Variants in PYY observed in about 807,000 individuals in gnomAD.
The protein encoded by PYY is peptide tyrosine tyrosine.
Under a neutral mutation model 10.3 loss-of-function variants are expected in PYY, and 12 were observed. That is an observed-to-expected ratio of 1.17 (90% CI 0.75 to 1.89). The LOEUF (loss-of-function observed/expected upper bound fraction) is 1.89. Ranked by LOEUF, PYY falls within the 40% of genes most tolerant of loss-of-function variation. The pLI is 0.00. For synonymous variants in PYY, 66 were observed against 62.0 expected (o/e 1.06, Z -0.30); for missense variants, 141 against 134.0 (o/e 1.05, Z -0.26).
At chr17:43,982,050 TA>T (rs2048887006) in intron 1 of PYY, among the ~76,000 whole-genome samples, 3 of 152,200 alleles carry the variant, frequency 2.0e-5, no homozygotes, top group Admixed American at 2.0e-4. Flanking sequence ...TGCATCCTCC[TA>T]GCAATTAGAT....
chr17:43,997,200 G>C (rs1019160286), intron 1 of PYY, among the ~76,000 whole-genome samples: 5 of 151,962 alleles, frequency 3.3e-5, no homozygotes, highest in African/African-American at 1.2e-4. Flanking sequence ...CACCACGCCT[G>C]GCTAACTTTT....
chr17:43,953,090 T>C lies in PYY; in HGVS notation c.269+19A>G. 2 of 1,613,136 alleles carry C rather than the reference T, an allele frequency of 1.2e-6. No individual in the cohort carries two copies. The highest frequency in any genetic ancestry group is 8.5e-7 in the Non-Finnish European group (1 of 1,179,532). On this transcript the variant is annotated intron_variant, in intron 3 of 3. Transcript: ENST00000692052. ...GCCGCGCTCTCGGATGCAGGATGTG[T>C]GGTAACGGGCGCTTTTACCGCGACC... is the stretch of plus-strand genomic sequence containing the variant.
chr17:43,994,491 A>G (rs2074383724), intron 1 of PYY, among the ~76,000 whole-genome samples: 1 of 152,110 alleles, frequency 6.6e-6, no homozygotes, highest in Non-Finnish European at 1.5e-5. Flanking sequence ...CTTTCTCCCT[A>G]CTGAGAAGAT....
Position 43,975,989 on chromosome 17 carries a change from C to T in PYY, c.-462-9457G>A, listed in dbSNP as rs1364123546. Among the ~76,000 whole-genome samples the T allele has an allele frequency of 2.6e-5, 2 of 77,310 alleles. 1 individual carries two copies. Among genetic ancestry groups the T allele is most frequent in the African/African-American group, 1.8e-4 (2 of 11,022 alleles). The allele number at this position is 77,310 out of a possible 152,430, so 50.7% of individuals were successfully genotyped here. The stretch of plus-strand genomic sequence containing the variant: ...ACGTGTCTACGTACGTGTACATACA[C>T]GTGTCTACGTACGTGTACATACACG... On this transcript the variant is annotated intron_variant, in intron 1 of 6. Transcript: ENST00000360085.
intron 1 of PYY, among the ~76,000 whole-genome samples, chr17:43,983,831 C>T (rs1272537187): frequency 1.3e-5 from 2 of 152,244 alleles, no homozygotes; most frequent in Non-Finnish European, 2.9e-5. Flanking sequence ...GCTGTCGCAC[C>T]CCACCGGCCT....
At chr17:43,978,932 T>C (rs1306605296) in intron 1 of PYY, among the ~76,000 whole-genome samples, 1 of 152,202 alleles carries the variant, frequency 6.6e-6, no homozygotes, top group Non-Finnish European at 1.5e-5. Flanking sequence ...AAAGTGCCCT[T>C]ATCCATAAAG....
At chr17:43,963,052 G>A (rs939802402) in intron 2 of PYY, among the ~76,000 whole-genome samples, 4 of 152,162 alleles carry the variant, frequency 2.6e-5, no homozygotes, top group South Asian at 2.1e-4. Flanking sequence ...CAAAGCCACC[G>A]TCATTTTCAC....
rs1276110123 is a variant in PYY, at chr17:43,990,725, T to G, written c.-463+13666A>C. 3.3e-5 allele frequency among the ~76,000 whole-genome samples: 5 copies of G among 151,652 alleles called. No homozygotes were observed. The East Asian group carries it at 9.7e-4, about 29-fold the overall frequency. On this transcript the variant is annotated intron_variant, in intron 1 of 6. Transcript: ENST00000360085. ...ATAAAATTATGAAACATTCCTACAA[T>G]GTAACACTATGCAGTCACCTAAAAG...
intron 1 of PYY, among the ~76,000 whole-genome samples, chr17:43,994,441 CTGTT>C (rs2048977572): frequency 1.3e-5 from 2 of 152,116 alleles, no homozygotes; most frequent in Admixed American, 6.6e-5. Context: ...CTTGGTTTCT[CTGTT>C]TGAGCCGCAG....
chr17:43,953,475 G>C lies in PYY; in HGVS notation c.9C>G (p.Phe3Leu). ...TCAAGGCGGGCCACGGCCTGCGCAC[G>C]AACACCATCTGGGAAGGCGACATTG... MV[F>L]VRRPWPALTT... The change falls in exon 2 of 4, where the codon TTC (phenylalanine) becomes TTG (leucine). Residue 3 changes from phenylalanine to leucine, a missense_variant. Transcript: ENST00000692052. 3.8e-6 allele frequency: 6 copies of C among 1,597,806 alleles called. No homozygotes were observed. The highest frequency in any genetic ancestry group is 5.1e-6 in the Non-Finnish European group (6 of 1,170,576).
chr17:43,969,233 T>C (rs889370053), intron 1 of PYY, among the ~76,000 whole-genome samples: 2 of 150,108 alleles, frequency 1.3e-5, no homozygotes, highest in African/African-American at 4.9e-5. Flanking sequence ...ATCAATCACT[T>C]GGCCAGGTGC....
chr17:43,956,113 G>C (rs138566970), upstream of PYY, among the ~76,000 whole-genome samples: 1 of 152,274 alleles, frequency 6.6e-6, no homozygotes, highest in African/African-American at 2.4e-5. Context: ...GATGGGAAGA[G>C]AGGAGAGACA....
intron 1 of PYY, among the ~76,000 whole-genome samples, chr17:43,979,040 C>T (rs551750057): frequency 6.6e-6 from 1 of 152,246 alleles, no homozygotes; most frequent in African/African-American, 2.4e-5. Context: ...CGATGAGTGT[C>T]GCACCTTAGG....
chr17:43,982,127 C>T (rs956633616), intron 1 of PYY, among the ~76,000 whole-genome samples: 2 of 152,150 alleles, frequency 1.3e-5, no homozygotes, highest in Non-Finnish European at 2.9e-5. Flanking sequence ...CTCTCCAGAG[C>T]CCTGCCTACC....
At chr17:43,994,874 G>C (rs1478913334) in intron 1 of PYY, among the ~76,000 whole-genome samples, 1 of 152,152 alleles carries the variant, frequency 6.6e-6, no homozygotes, top group Non-Finnish European at 1.5e-5. Flanking sequence ...GGGTGGCCAG[G>C]GCCCCGGGGG....
intron 1 of PYY, among the ~76,000 whole-genome samples, chr17:43,976,632 C>T (rs955781476): frequency 2.6e-5 from 4 of 152,006 alleles, no homozygotes; most frequent in Admixed American, 6.6e-5. Context: ...ATTAGCTGGG[C>T]GTGGTGGCGC....
At chr17:44,003,512 G>A (rs879873577) in intron 1 of PYY, among the ~76,000 whole-genome samples, 6 of 151,772 alleles carry the variant, frequency 4.0e-5, no homozygotes, top group Admixed American at 6.6e-5. Flanking sequence ...AAGATTAGCC[G>A]GGTGTGATGG....
intron 1 of PYY, among the ~76,000 whole-genome samples, chr17:44,004,105 T>C (rs1050421586): frequency 1.3e-5 from 2 of 152,162 alleles, no homozygotes; most frequent in Non-Finnish European, 2.9e-5. Flanking sequence ...TTTGAGGATA[T>C]CACAGAATTC....
intron 1 of PYY, among the ~76,000 whole-genome samples, chr17:43,973,185 A>T (rs1442081354): frequency 1.3e-5 from 2 of 152,202 alleles, no homozygotes; most frequent in African/African-American, 4.8e-5. Context: ...TGCTTAGAAC[A>T]GAACCTGAAA....
Sources: gnomAD v4.1 joint callset for allele counts (sites outside exome capture counted in the v4.1 genomes callset) on GRCh38, gnomAD v4.1.1 for gene constraint, MANE v1.5 for transcripts, NCBI Gene and HGNC (gene_info 2026-07-23, HGNC 2026-07-21) for gene names.